The following SEMA4G variants were observed in gnomAD, a reference collection of about 807,000 sequenced individuals.
SEMA4G encodes semaphorin-4G.
Under a neutral mutation model 81.2 loss-of-function variants are expected in SEMA4G, and 59 were observed. That is an observed-to-expected ratio of 0.73 (90% CI 0.59 to 0.90). The LOEUF (loss-of-function observed/expected upper bound fraction) is 0.90. Ranked by LOEUF, SEMA4G falls within the 40% of genes least tolerant of loss-of-function variation. The pLI is 0.00. For missense variants in SEMA4G, 952 were observed against 1,102.3 expected (o/e 0.86, Z 1.93); for synonymous variants, 404 against 433.9 (o/e 0.93, Z 0.86).
rs2133858590 is a variant in SEMA4G, at chr10:100,973,461, C to A, written c.274-86C>A. On this transcript the variant is annotated intron_variant, in intron 2 of 13. Coordinates refer to ENST00000370250, the Ensembl canonical transcript of SEMA4G. This position sits in a 1 kb window ranked among gnomAD's most constrained non-coding sequence, Gnocchi z 5.5. ...GAAATTGATCCCCACCCCAATTTCC[C>A]CAACTCTGTGGGGTCCTATTGCCTG... is the stretch of plus-strand genomic sequence containing the variant. 7 of 1,485,494 alleles carry A rather than the reference C, an allele frequency of 4.7e-6. No homozygotes were observed. The highest frequency in any genetic ancestry group is 6.5e-6 in the Non-Finnish European group (7 of 1,073,572). The allele number at this position is 1,485,494 out of a possible 1,614,324, so 92.0% of individuals were successfully genotyped here.
At chr10:100,980,083 T>C in intron 9 of SEMA4G, 39 bp from the exon 11 acceptor site, 2 of 1,613,120 alleles carry the variant, frequency 1.2e-6, no homozygotes, top group Non-Finnish European at 8.5e-7. Flanking sequence ...AGGCAGGTGG[T>C]GGAGTCCCGA....
At chr10:100,977,529 T>C in intron 3 of SEMA4G, 103 bp from the exon 5 acceptor site, 1 of 848,660 alleles carries the variant, frequency 1.2e-6, no homozygotes, top group Non-Finnish European at 2.0e-6. Flanking sequence ...AAAGAACCGT[T>C]TGTCCTGTGG....
intron 6 of SEMA4G, 84 bp downstream of exon 7, chr10:100,978,724 C>T (rs1850913467): frequency 1.3e-6 from 2 of 1,551,442 alleles, no homozygotes; most frequent in Non-Finnish European, 1.8e-6. Flanking sequence ...CCACCCCACC[C>T]CCAAATCCCC....
At chr10:100,970,318 CT>C (rs769220056), upstream of SEMA4G, among the ~76,000 whole-genome samples, 4 of 152,090 alleles carry the variant, frequency 2.6e-5, no homozygotes, top group Non-Finnish European at 5.9e-5. Flanking sequence ...GCCCCGCCCC[CT>C]CCCACAGGTT....
Position 100,972,727 on chromosome 10 carries a change from T to TC in SEMA4G, c.-180dup, listed in dbSNP as rs1276939230. The TC allele has an allele frequency of 8.0e-5, 45 of 559,440 alleles. No homozygotes were observed. The highest frequency in any genetic ancestry group is 2.5e-4 in the African/African-American group (13 of 52,590). The allele number at this position is 559,440 out of a possible 1,614,324, so 34.7% of individuals were successfully genotyped here. ...GGCCACACAACCCTGTGACTCCATG[T>TC]CCCCCCGATTCCAGGACCCCCCATG... is the stretch of plus-strand genomic sequence containing the variant. On this transcript the variant is annotated 5_prime_UTR_variant, in exon 1 of 14. It introduces an in-frame stop codon into an upstream open reading frame of the 5' UTR. Coordinates refer to ENST00000370250, the Ensembl canonical transcript of SEMA4G.
At chr10:100,983,892 G>A in exon 14 of SEMA4G, 1 of 1,542,910 alleles carries the variant, frequency 6.5e-7, no homozygotes. Context: ...CATCCCTGGG[G>A]AGGGAGCCCC....
At chr10:100,981,725 A>G (rs1006781273) in intron 13 of SEMA4G, among the ~76,000 whole-genome samples, 2 of 152,176 alleles carry the variant, frequency 1.3e-5, no homozygotes, top group African/African-American at 4.8e-5. Flanking sequence ...AGTGTAAGTA[A>G]ATTGCTCAAA....
At chr10:100,983,204 C>A in intron 13 of SEMA4G, 101 bp from the exon 15 acceptor site, 1 of 1,336,598 alleles carries the variant, frequency 7.5e-7, no homozygotes. Context: ...ATTCTGGGTT[C>A]TGTGCTTGGT....
chr10:100,983,898 G>A (rs1851274273), exon 14 of SEMA4G: 3 of 1,523,294 alleles, frequency 2.0e-6, no homozygotes, highest in African/African-American at 1.4e-5. Context: ...TGGGGAGGGA[G>A]CCCCAGCCCC....
At chr10:100,969,724 C>T (rs1393430823), upstream of SEMA4G, 2 of 387,228 alleles carry the variant, frequency 5.2e-6, no homozygotes, top group Non-Finnish European at 5.4e-6. Context: ...CCAAGTCCCC[C>T]GGTCCTGCAT....
chr10:100,980,464 C>A, intron 10 of SEMA4G, 114 bp from the exon 12 acceptor site: 1 of 1,344,526 alleles, frequency 7.4e-7, no homozygotes, highest in Non-Finnish European at 1.1e-6. Context: ...CTGCTCCTGG[C>A]TGAGTCCTTG....
chr10:100,984,860 T>C (rs1851353903), downstream of SEMA4G: 9 of 1,491,072 alleles, frequency 6.0e-6, no homozygotes, highest in Non-Finnish European at 8.0e-6. Context: ...TGAATCAGCC[T>C]CCCCACTCTC....
chr10:100,980,368 T>A, intron 10 of SEMA4G, 24 bp downstream of exon 11: 1 of 1,601,172 alleles, frequency 6.2e-7, no homozygotes, highest in Non-Finnish European at 8.6e-7. Flanking sequence ...CAATCCCTGA[T>A]CCCTGTTGGC....
At chr10:100,978,303 G>A (rs746066448) in exon 5 of SEMA4G, 1 of 1,612,766 alleles carries the variant, frequency 6.2e-7, no homozygotes, top group Non-Finnish European at 8.5e-7. Flanking sequence ...AGGATGCTGA[G>A]GCCTTCACCT....
At chr10:100,984,943 C>T (rs980911684), downstream of SEMA4G, 2 of 1,380,044 alleles carry the variant, frequency 1.4e-6, no homozygotes, top group Non-Finnish European at 1.9e-6. Context: ...TGGTAACACA[C>T]ACCTGTATCA....
intron 8 of SEMA4G, 122 bp from the exon 10 acceptor site, chr10:100,979,726 G>A (rs1850965723): frequency 9.2e-7 from 1 of 1,090,362 alleles, no homozygotes; most frequent in African/African-American, 1.5e-5. Context: ...ACTCACAGGA[G>A]AGGCCCTGTG....
exon 14 of SEMA4G, chr10:100,984,362 G>A (rs1851313579): frequency 6.9e-7 from 1 of 1,445,008 alleles, no homozygotes; most frequent in Admixed American, 2.7e-5. Context: ...TCAGAGGTAG[G>A]TGCTCCCTCA....
intron 3 of SEMA4G, chr10:100,975,028 A>C (rs745706216): frequency 1.9e-6 from 1 of 534,408 alleles, no homozygotes; most frequent in Non-Finnish European, 3.8e-6. Flanking sequence ...GCTCCGTTTA[A>C]AAAGGCATCT....
At chr10:100,983,932 C>A in exon 14 of SEMA4G, 1 of 1,606,710 alleles carries the variant, frequency 6.2e-7, no homozygotes, top group Non-Finnish European at 8.5e-7. Context: ...CCCCCACCGC[C>A]ACCGGCTGAG....
Sources: allele counts gnomAD v4.1 joint callset (sites outside exome capture counted in the v4.1 genomes callset), GRCh38; gene constraint gnomAD v4.1.1; non-coding constraint Gnocchi (gnomAD v3.1); transcripts MANE v1.5; gene names NCBI Gene and HGNC (gene_info 2026-07-23, HGNC 2026-07-21).